Variants in PHF6 observed in about 807,000 individuals in gnomAD.
PHF6 encodes the protein PHD-like zinc finger protein.
PHF6 carries 7 observed loss-of-function variants against 34.0 expected under a neutral mutation model. The ratio of observed to expected loss-of-function variants is 0.21; its 90% confidence interval spans 0.12 to 0.39. The LOEUF is 0.39. Ranked by LOEUF, PHF6 falls within the 10% of genes least tolerant of loss-of-function variation. The pLI is 1.00. For missense variants in PHF6, 128 were observed against 262.8 expected, an observed-to-expected ratio of 0.49 and a Z score of 3.55; for synonymous variants, 89 against 88.4, an observed-to-expected ratio of 1.01 and a Z score of -0.04.
At chrX:134,411,413 G>A (rs1250111710) in intron 5 of PHF6, among the ~76,000 whole-genome samples, 1 of 111,099 alleles carries the variant, frequency 9.0e-6, no homozygotes, top group Non-Finnish European at 1.9e-5. Context: ...AACTAATCAT[G>A]TTGGCTTGAT....
chrX:134,375,087 A>G (rs767796376), intron 1 of PHF6, among the ~76,000 whole-genome samples: 19 of 111,956 alleles, frequency 1.7e-4, no homozygotes, highest in Middle Eastern at 4.2e-3. Flanking sequence ...CATTTTTGCT[A>G]GGAGTCATTG....
At chrX:134,385,440 C>T (rs766886631) in intron 3 of PHF6, among the ~76,000 whole-genome samples, 2 of 111,864 alleles carry the variant, frequency 1.8e-5, no homozygotes, top group African/African-American at 6.5e-5. Flanking sequence ...CCCAGCCTAG[C>T]ATGATGTGGG....
intron 1 of PHF6, among the ~76,000 whole-genome samples, chrX:134,373,867 C>T (rs969822523): frequency 1.3e-4 from 11 of 86,675 alleles, no homozygotes; most frequent in Non-Finnish European, 1.8e-4. Flanking sequence ...GGAAAAACTC[C>T]GGGGTGGGGG....
chrX:134,378,197 C>T, intron 3 of PHF6, 91 bp downstream of exon 3: 2 of 537,713 alleles, frequency 3.7e-6, no homozygotes, highest in Non-Finnish European at 5.9e-6. Context: ...GCATTATTAA[C>T]TGAGTATAAT....
At chrX:134,400,934 G>A (rs1351470130) in intron 5 of PHF6, among the ~76,000 whole-genome samples, 1 of 111,730 alleles carries the variant, frequency 9.0e-6, no homozygotes, top group Non-Finnish European at 1.9e-5. Context: ...AGCAGTTTGA[G>A]CAAGATAGGG....
chrX:134,374,549 G>C (rs1404384206), intron 1 of PHF6, among the ~76,000 whole-genome samples: 1 of 112,242 alleles, frequency 8.9e-6, no homozygotes, highest in Non-Finnish European at 1.9e-5. Context: ...GTATATTTCA[G>C]CTTGCTTTCG....
Position 134,428,665 on chromosome X carries a change from CATGTT to C in PHF6, c.*3010_*3014del, listed in dbSNP as rs1405144931. ...TGGGTCAAAAATCAAACATTCCTCTCATGTTATGTATATTTTGTTCCTGTTATATT... is the reference window on the plus strand; with the variant it reads ...TGGGTCAAAAATCAAACATTCCTCTCATGTATATTTTGTTCCTGTTATATT... On this transcript the variant is annotated 3_prime_UTR_variant, in exon 11 of 11. Coordinates refer to ENST00000370803, the MANE Select transcript of PHF6 (RefSeq NM_001015877.2). 3 of 145,468 alleles carry C rather than the reference CATGTT, an allele frequency of 2.1e-5. No homozygotes were observed. The highest frequency in any genetic ancestry group is 1.1e-4 in the East Asian group (1 of 9,091). 12.0% of individuals were successfully genotyped at this position (145,468 alleles called of 1,213,427 possible).
intron 7 of PHF6, 147 bp from the exon 8 acceptor site, chrX:134,414,869 A>G (rs1569343518): frequency 2.0e-6 from 1 of 492,707 alleles, no homozygotes; most frequent in African/African-American, 2.4e-5. Context: ...AGACATGTAA[A>G]TATATTAAAA....
At chrX:134,388,154 A>C (rs143787138) in intron 3 of PHF6, among the ~76,000 whole-genome samples, 214 of 111,943 alleles carry the variant, frequency 1.9e-3, no homozygotes, top group African/African-American at 6.5e-3. Flanking sequence ...TCTGTTGTCT[A>C]GTTATTTGGA....
At chrX:134,410,424 T>C (rs1221884007) in intron 5 of PHF6, among the ~76,000 whole-genome samples, 1 of 111,586 alleles carries the variant, frequency 9.0e-6, no homozygotes, top group Non-Finnish European at 1.9e-5. Flanking sequence ...GAAAATGATA[T>C]ATCACTTAAT....
intron 3 of PHF6, among the ~76,000 whole-genome samples, chrX:134,384,004 TATACACATCCTATGTAAGA>T (rs1444057422): frequency 8.9e-6 from 1 of 112,308 alleles, no homozygotes; most frequent in Non-Finnish European, 1.9e-5. Context: ...ACAAAAACCC[TATACACATCCTATGTAAGA>T]ATATTGTGAT....
intron 5 of PHF6, among the ~76,000 whole-genome samples, chrX:134,408,746 T>A (rs988329012): frequency 1.8e-5 from 2 of 112,257 alleles, no homozygotes; most frequent in African/African-American, 6.5e-5. Flanking sequence ...AGAGTTTCAC[T>A]CTTGTCACCA....
chrX:134,394,028 A>G, intron 5 of PHF6, 76 bp downstream of exon 5: 3 of 931,102 alleles, frequency 3.2e-6, no homozygotes, highest in South Asian at 2.0e-5. Flanking sequence ...GAATTATACT[A>G]TATTAATTTT....
At position 134,426,419 on chromosome X, in the gene PHF6, G is replaced by A. The variant is rs1602723120; in HGVS notation, c.*759G>A. 1 of 161,110 alleles carries A rather than the reference G, an allele frequency of 6.2e-6. No individual in the cohort carries two copies. The highest frequency in any genetic ancestry group is 9.2e-5 in the East Asian group (1 of 10,842). 13.3% of individuals were successfully genotyped at this position (161,110 alleles called of 1,213,427 possible). On this transcript the variant is annotated 3_prime_UTR_variant, in exon 11 of 11. Transcript: ENST00000370803. ...AAATTAAACGTTTTTAAGATGTAAA[G>A]AAAGGGTTACCGCTTGCTAAGGACT... is the stretch of plus-strand genomic sequence containing the variant.
chrX:134,406,688 G>A (rs2077426535), intron 5 of PHF6, among the ~76,000 whole-genome samples: 1 of 112,004 alleles, frequency 8.9e-6, no homozygotes. Context: ...AAGCTGTGCT[G>A]ATAAGAGGCT....
At chrX:134,397,035 T>C (rs1193668316) in intron 5 of PHF6, among the ~76,000 whole-genome samples, 1 of 111,850 alleles carries the variant, frequency 8.9e-6, no homozygotes, top group Non-Finnish European at 1.9e-5. Context: ...ATATAATTCA[T>C]TCTGCCATGT....
chrX:134,393,699 A>G (rs986331114), intron 4 of PHF6, 65 bp downstream of exon 4: 9 of 1,061,812 alleles, frequency 8.5e-6, no homozygotes, highest in Admixed American at 7.6e-5. Flanking sequence ...GCTTTTGTAA[A>G]AATTTTTCCC....
chrX:134,414,105 T>C (rs2077462492), intron 7 of PHF6, 139 bp downstream of exon 7: 3 of 569,402 alleles, frequency 5.3e-6, no homozygotes, highest in Non-Finnish European at 8.8e-6. Context: ...CCACCAGCAT[T>C]AGTATTTTAG....
intron 5 of PHF6, among the ~76,000 whole-genome samples, chrX:134,399,961 A>C (rs2077396187): frequency 8.9e-6 from 1 of 111,812 alleles, no homozygotes; most frequent in Non-Finnish European, 1.9e-5. Flanking sequence ...AACCACTGAT[A>C]CTGATACCAC....
Sources: gnomAD v4.1 joint callset for allele counts (sites outside exome capture counted in the v4.1 genomes callset) on GRCh38, gnomAD v4.1.1 for gene constraint, MANE v1.5 for transcripts, NCBI Gene and HGNC (gene_info 2026-07-23, HGNC 2026-07-21) for gene names.